Variants in TCF12 observed in about 807,000 individuals in gnomAD.
TCF12 encodes the protein transcription factor 12.
A neutral mutation model predicts 86.0 loss-of-function variants in TCF12; 45 were observed. The observed-to-expected ratio is 0.52, with a 90% CI of 0.41 to 0.67. The LOEUF (loss-of-function observed/expected upper bound fraction) is 0.67. Ranked by LOEUF, TCF12 falls within the 30% of genes least tolerant of loss-of-function variation. TCF12 has a pLI of 0.00. For missense variants in TCF12, 881 were observed against 859.9 expected, an observed-to-expected ratio of 1.02 and a Z score of -0.31; for synonymous variants, 330 against 299.6, an observed-to-expected ratio of 1.10 and a Z score of -1.05.
chr15:57,153,927 C>G (rs1439167813), intron 5 of TCF12, among the ~76,000 whole-genome samples: 2 of 150,766 alleles, frequency 1.3e-5, no homozygotes, highest in Admixed American at 6.6e-5. Context: ...CCCAAGAGTT[C>G]AAGGTTGCAG....
At chr15:57,284,356 C>A (rs1447982855) in intron 20 of TCF12, among the ~76,000 whole-genome samples, 2 of 152,016 alleles carry the variant, frequency 1.3e-5, no homozygotes, top group African/African-American at 4.8e-5. Flanking sequence ...TACAGACATA[C>A]ACCACCACGC....
At chr15:57,134,153 G>A (rs752545842) in intron 5 of TCF12, among the ~76,000 whole-genome samples, 34 of 152,108 alleles carry the variant, frequency 2.2e-4, no homozygotes, top group Non-Finnish European at 4.4e-4. Flanking sequence ...GGTCTTGTTT[G>A]ATATTTCTTA....
At chr15:57,015,116 C>T (rs1596126374) in intron 3 of TCF12, among the ~76,000 whole-genome samples, 1 of 151,906 alleles carries the variant, frequency 6.6e-6, no homozygotes, top group African/African-American at 2.4e-5. Context: ...TGGCGAAACC[C>T]TGTCTCTACA....
At chr15:57,209,305 TAGG>T (rs2058004451) in intron 8 of TCF12, among the ~76,000 whole-genome samples, 1 of 152,182 alleles carries the variant, frequency 6.6e-6, no homozygotes, top group African/African-American at 2.4e-5. Flanking sequence ...GTTACCAAAA[TAGG>T]AGCATTTTAC....
intron 13 of TCF12, chr15:57,247,217 C>T: frequency 1.6e-6 from 1 of 621,230 alleles, no homozygotes; most frequent in East Asian, 3.0e-5. Flanking sequence ...GTAACCAGGA[C>T]TACCACCATA....
intron 8 of TCF12, among the ~76,000 whole-genome samples, chr15:57,213,776 A>T (rs2058216384): frequency 6.6e-6 from 1 of 152,198 alleles, no homozygotes. Context: ...GTTCACAAAA[A>T]TTATTTAGCT....
chr15:57,131,767 A>G (rs1457991518), intron 5 of TCF12, among the ~76,000 whole-genome samples: 2 of 152,220 alleles, frequency 1.3e-5, no homozygotes, highest in Non-Finnish European at 2.9e-5. Flanking sequence ...GTCCTCTCTA[A>G]TCGTTCTACA....
At chr15:56,994,895 A>T (rs1441524904) in intron 3 of TCF12, among the ~76,000 whole-genome samples, 1 of 152,124 alleles carries the variant, frequency 6.6e-6, no homozygotes, top group Non-Finnish European at 1.5e-5. Flanking sequence ...CAGAAATGGT[A>T]AATATTTGGG....
chr15:57,170,714 T>TA (rs2055349320), intron 6 of TCF12, among the ~76,000 whole-genome samples: 1 of 8,822 alleles, frequency 1.1e-4, no homozygotes, highest in African/African-American at 5.6e-4. Flanking sequence ...TAATATATAA[T>TA]ATATATATTA....
At chr15:57,017,697 A>G (rs1465288816) in intron 3 of TCF12, among the ~76,000 whole-genome samples, 1 of 151,090 alleles carries the variant, frequency 6.6e-6, no homozygotes, top group Admixed American at 6.6e-5. Context: ...AAGCAACCTC[A>G]GGAGATGTGA....
At chr15:57,071,471 C>G (rs1393191030) in intron 4 of TCF12, among the ~76,000 whole-genome samples, 1 of 151,974 alleles carries the variant, frequency 6.6e-6, no homozygotes, top group Non-Finnish European at 1.5e-5. Flanking sequence ...ATGGCAAAAC[C>G]CCATCTCTTA....
intron 3 of TCF12, among the ~76,000 whole-genome samples, chr15:56,924,859 A>T (rs537567426): frequency 1.3e-5 from 2 of 152,214 alleles, no homozygotes; most frequent in Non-Finnish European, 2.9e-5. Flanking sequence ...TAGAGACAAG[A>T]TTACAACCAT....
chr15:57,230,680 A>G (rs1467923526), intron 8 of TCF12, among the ~76,000 whole-genome samples: 2 of 152,104 alleles, frequency 1.3e-5, no homozygotes, highest in Admixed American at 1.3e-4. Flanking sequence ...TTACCCCTTA[A>G]TAGTAACAAA....
At chr15:57,014,892 ATTG>A (rs1318648692) in intron 3 of TCF12, among the ~76,000 whole-genome samples, 41 of 139,664 alleles carry the variant, frequency 2.9e-4, no homozygotes, top group South Asian at 4.6e-4. Context: ...TATTATTATT[ATTG>A]TTATTATTAT....
In TCF12 at chr15:57,111,908, A is replaced by G. The variant is rs1331530246; in HGVS notation, c.325+20017A>G. ...GCACCTGGCTGGCTTGTTTATAAAC[A>G]GTTTGTAAGTGGAAGAGGAGAAAGT... On this transcript the variant is annotated intron_variant, in intron 5 of 20. Coordinates refer to ENST00000333725, the MANE Select transcript of TCF12 (RefSeq NM_207037.2). 2.0e-5 allele frequency among the ~76,000 whole-genome samples: 3 copies of G among 152,134 alleles called. No homozygotes were observed. In the East Asian group the frequency reaches 5.8e-4, roughly 29 times the overall value.
chr15:56,922,605 TTTGA>T (rs2059842067), intron 3 of TCF12, among the ~76,000 whole-genome samples: 1 of 152,004 alleles, frequency 6.6e-6, no homozygotes, highest in Non-Finnish European at 1.5e-5. Context: ...GGTCACCATA[TTTGA>T]TTATTTGGAG....
intron 5 of TCF12, among the ~76,000 whole-genome samples, chr15:57,126,948 C>A (rs1211581595): frequency 6.6e-6 from 1 of 150,648 alleles, no homozygotes; most frequent in Non-Finnish European, 1.5e-5. Context: ...AATATATATT[C>A]TTTCTTACTC....
intron 3 of TCF12, among the ~76,000 whole-genome samples, chr15:57,033,095 A>G (rs2066301316): frequency 1.3e-5 from 2 of 152,192 alleles, no homozygotes; most frequent in African/African-American, 4.8e-5. Context: ...AAGAGTGAAT[A>G]AAGATAGGTC....
intron 4 of TCF12, among the ~76,000 whole-genome samples, chr15:57,087,684 T>C (rs1292680892): frequency 2.0e-5 from 3 of 152,180 alleles, no homozygotes; most frequent in Non-Finnish European, 2.9e-5. Context: ...ATTTTAAGTA[T>C]AGAAATTAAT....
Sources: gnomAD v4.1 joint callset for allele counts (sites outside exome capture counted in the v4.1 genomes callset) on GRCh38, gnomAD v4.1.1 for gene constraint, MANE v1.5 for transcripts, NCBI Gene and HGNC (gene_info 2026-07-23, HGNC 2026-07-21) for gene names.